Variants in MACROD2 observed in about 807,000 individuals in gnomAD.
The protein encoded by MACROD2 is ADP-ribose glycohydrolase MACROD2.
In MACROD2, 36 loss-of-function variants were observed where a neutral mutation model predicts 70.4. That is an observed-to-expected ratio of 0.51 (90% CI 0.39 to 0.68). The LOEUF (loss-of-function observed/expected upper bound fraction) is 0.68, where lower values mean the gene tolerates loss of function less well. Among genes scored for constraint, MACROD2 ranks in the 30% least tolerant of loss-of-function variants. MACROD2 has a pLI of 0.00. For synonymous variants in MACROD2, 172 were observed against 178.8 expected (o/e 0.96, Z 0.30); for missense variants, 496 against 538.4 (o/e 0.92, Z 0.78).
chr20:14,054,620 A>T (rs191371197), intron 2 of MACROD2, among the ~76,000 whole-genome samples: 2 of 152,266 alleles, frequency 1.3e-5, no homozygotes, highest in East Asian at 3.9e-4. Context: ...ATAGAGTAAA[A>T]GTATAATGGT....
chr20:15,478,996 TCAAA>T (rs2146449479), intron 7 of MACROD2, among the ~76,000 whole-genome samples: 1 of 152,348 alleles, frequency 6.6e-6, no homozygotes, highest in East Asian at 1.9e-4. Flanking sequence ...AGTGCTGATG[TCAAA>T]CAGAGATTTC....
intron 3 of MACROD2, among the ~76,000 whole-genome samples, chr20:14,391,632 A>C (rs749259469): frequency 2.9e-4 from 44 of 151,706 alleles, no homozygotes; most frequent in Non-Finnish European, 6.2e-4. Context: ...AAAATTAAAA[A>C]AATTTAGCCT....
At chr20:14,371,959 A>T (rs983312767) in intron 3 of MACROD2, among the ~76,000 whole-genome samples, 2 of 152,026 alleles carry the variant, frequency 1.3e-5, no homozygotes, top group African/African-American at 4.8e-5. Flanking sequence ...TTCTCATAAC[A>T]TTATCCTTCT....
At chr20:14,430,314 C>T (rs558399657) in intron 3 of MACROD2, among the ~76,000 whole-genome samples, 1 of 152,166 alleles carries the variant, frequency 6.6e-6, no homozygotes, top group East Asian at 1.9e-4. Flanking sequence ...GACTTGATGG[C>T]AGTCTTTAAA....
At chr20:15,207,369 A>G (rs2076718604) in intron 5 of MACROD2, among the ~76,000 whole-genome samples, 1 of 145,960 alleles carries the variant, frequency 6.9e-6, no homozygotes, top group Non-Finnish European at 1.5e-5. Flanking sequence ...TAATTTTATC[A>G]TTTGAAACAT....
intron 6 of MACROD2, among the ~76,000 whole-genome samples, chr20:15,230,395 T>A (rs996726832): frequency 6.6e-6 from 1 of 152,180 alleles, no homozygotes; most frequent in Non-Finnish European, 1.5e-5. Flanking sequence ...AAATAGCAAG[T>A]GCTGAGTTTG....
At chr20:15,877,277 C>G (rs948766471) in intron 9 of MACROD2, among the ~76,000 whole-genome samples, 55 of 152,136 alleles carry the variant, frequency 3.6e-4, no homozygotes, top group African/African-American at 1.3e-3. Flanking sequence ...TTCTCCACTC[C>G]TCAATCCTCC....
intron 5 of MACROD2, among the ~76,000 whole-genome samples, chr20:14,708,916 C>T (rs987532690): frequency 1.3e-5 from 2 of 152,186 alleles, no homozygotes; most frequent in South Asian, 4.1e-4. Flanking sequence ...CCGTGCCTGA[C>T]CTGAACACCT....
chr20:14,576,808 A>G (rs1316857985), intron 4 of MACROD2, among the ~76,000 whole-genome samples: 1 of 152,232 alleles, frequency 6.6e-6, no homozygotes, highest in African/African-American at 2.4e-5. Flanking sequence ...TTCAGGGCTT[A>G]TATTGGAAGA....
In MACROD2 at chr20:14,608,110, G is replaced by A. The variant is rs761090287; in HGVS notation, c.302-76733G>A. Among the ~76,000 whole-genome samples the A allele has an allele frequency of 1.0e-3, 153 of 152,040 alleles. 2 individuals carry two copies. The highest frequency in any genetic ancestry group is 1.5e-3 in the Non-Finnish European group (101 of 67,974). The stretch of plus-strand genomic sequence containing the variant: ...TCTACTAAAAATACAAAAAAAATTA[G>A]CTGGGTATAGTGGCAGGCACCTCTA... On this transcript the variant is annotated intron_variant, in intron 4 of 17. Transcript: ENST00000684519.
intron 5 of MACROD2, among the ~76,000 whole-genome samples, chr20:14,863,276 T>C (rs906693107): frequency 1.3e-5 from 2 of 152,116 alleles, no homozygotes; most frequent in African/African-American, 4.8e-5. Context: ...GCAGCGCTTA[T>C]ATCTATGGGC....
rs112441003 is a variant in MACROD2, at chr20:15,160,130, C to T, written c.419-69810C>T. On this transcript the variant is annotated intron_variant, in intron 5 of 17. Coordinates refer to ENST00000684519, the MANE Select transcript of MACROD2 (RefSeq NM_001351661.2). ...ACTGTATTTCAGAGACAATTGGAACCCCTTAATATTTGGCCAGGGTGTGTT... is the reference window on the plus strand; with the variant it reads ...ACTGTATTTCAGAGACAATTGGAACTCCTTAATATTTGGCCAGGGTGTGTT... Among the ~76,000 whole-genome samples the T allele has an allele frequency of 2.4e-4, 36 of 151,928 alleles. No homozygotes were observed. In the South Asian group the frequency reaches 6.9e-3, roughly 29 times the overall value.
chr20:14,494,667 T>C (rs183113116), intron 4 of MACROD2, among the ~76,000 whole-genome samples: 2 of 152,264 alleles, frequency 1.3e-5, no homozygotes, highest in African/African-American at 4.8e-5. Flanking sequence ...TTGGGAGAAT[T>C]AAACAAAAAT....
chr20:15,874,438 G>T (rs953146307), intron 9 of MACROD2, among the ~76,000 whole-genome samples: 4 of 152,008 alleles, frequency 2.6e-5, no homozygotes, highest in African/African-American at 9.7e-5. Flanking sequence ...CCAGTAGTGG[G>T]GTGGCTGGGT....
chr20:14,124,426 A>C (rs1173406827), intron 3 of MACROD2, among the ~76,000 whole-genome samples: 1 of 152,172 alleles, frequency 6.6e-6, no homozygotes, highest in African/African-American at 2.4e-5. Flanking sequence ...GCATTAGCTA[A>C]ATTGACTAAT....
intron 3 of MACROD2, among the ~76,000 whole-genome samples, chr20:14,298,180 C>T (rs554742227): frequency 6.6e-6 from 1 of 151,826 alleles, no homozygotes. Context: ...TGGAGATGTG[C>T]GAGAAGATTA....
chr20:15,511,370 G>A (rs1413885198), intron 8 of MACROD2, among the ~76,000 whole-genome samples: 1 of 152,184 alleles, frequency 6.6e-6, no homozygotes, highest in Non-Finnish European at 1.5e-5. Flanking sequence ...ATGCTAAGAT[G>A]TAAAGACTTT....
chr20:15,233,272 A>C (rs1725141862), intron 6 of MACROD2, among the ~76,000 whole-genome samples: 2 of 152,182 alleles, frequency 1.3e-5, no homozygotes, highest in African/African-American at 4.8e-5. Flanking sequence ...AATATGAAGA[A>C]ATTTATCAAA....
At chr20:16,016,750 G>C (rs1420922992) in intron 15 of MACROD2, among the ~76,000 whole-genome samples, 3 of 152,124 alleles carry the variant, frequency 2.0e-5, no homozygotes, top group Admixed American at 2.0e-4. Flanking sequence ...TGGCCATGCT[G>C]GTCTCGAACG....
Sources: allele counts gnomAD v4.1 joint callset (sites outside exome capture counted in the v4.1 genomes callset), GRCh38; gene constraint gnomAD v4.1.1; transcripts MANE v1.5; gene names NCBI Gene and HGNC (gene_info 2026-07-23, HGNC 2026-07-21).